The following JCHAIN variants were observed in gnomAD, a reference collection of about 807,000 sequenced individuals.
JCHAIN encodes immunoglobulin J chain.
JCHAIN carries 5 observed loss-of-function variants against 11.1 expected under a neutral mutation model. The ratio of observed to expected loss-of-function variants is 0.45; its 90% CI spans 0.24 to 0.95. JCHAIN has a LOEUF of 0.95. Ranked by LOEUF, JCHAIN falls within the 40% of genes least tolerant of loss-of-function variation. The pLI is 0.21. For missense variants in JCHAIN, 165 were observed against 192.7 expected (o/e 0.86, Z 0.85); for synonymous variants, 51 against 67.8 (o/e 0.75, Z 1.22).
chr4:70,659,816 A>C (rs1739021834), intron 2 of JCHAIN, among the ~76,000 whole-genome samples: 1 of 151,978 alleles, frequency 6.6e-6, no homozygotes, highest in Non-Finnish European at 1.5e-5. Flanking sequence ...GCAGTAAGCC[A>C]AGATCGCACC....
chr4:70,662,777 A>G (rs1371652286), intron 1 of JCHAIN, among the ~76,000 whole-genome samples: 1 of 151,996 alleles, frequency 6.6e-6, no homozygotes, highest in Non-Finnish European at 1.5e-5. Flanking sequence ...TGGCCAACAT[A>G]GTGAAACCCC....
intron 1 of JCHAIN, among the ~76,000 whole-genome samples, chr4:70,665,452 C>T (rs1481192557): frequency 6.6e-6 from 1 of 152,046 alleles, no homozygotes; most frequent in Non-Finnish European, 1.5e-5. Flanking sequence ...TACCATGGTT[C>T]TACTTATGAT....
rs554652827 is a variant in JCHAIN at position 70,656,419 on chromosome 4, C to A, written c.390G>T (p.Lys130Asn). ...TETCYTYDRN[K>N]CYTAVVPLVY... ...CGAGTGGGACCACAGCTGTGTAGCA[C>A]TTGTTTCTGTCATAAGTGTAGCAGG... Residue 130 changes from lysine to asparagine, a missense_variant, in exon 4 of 4, where the codon AAG (lysine) becomes AAT (asparagine). Coordinates refer to ENST00000254801, the MANE Select transcript of JCHAIN (RefSeq NM_144646.4). 5 of 1,614,030 alleles carry A rather than the reference C, an allele frequency of 3.1e-6. No individual in the cohort carries two copies. The highest frequency in any genetic ancestry group is 4.2e-6 in the Non-Finnish European group (5 of 1,179,920).
At position 70,656,303 on chromosome 4, in the gene JCHAIN, A is replaced by G; in HGVS notation, c.*26T>C. 1 of 1,479,214 alleles carries G rather than the reference A, an allele frequency of 6.8e-7. No individual in the cohort carries two copies. Among genetic ancestry groups the G allele is most frequent in the Non-Finnish European group, 9.4e-7 (1 of 1,059,120 alleles). The allele number at this position is 1,479,214 out of a possible 1,614,324, so 91.6% of individuals were successfully genotyped here. A position where few individuals can be genotyped will look rare whatever the true frequency, so the allele number is the denominator to read the frequency against. ...AAATGGAGAGCCTCTCAAGAAAAAG[A>G]GCTATGCAGTCAGCAATGACTTAAA... is the stretch of plus-strand genomic sequence containing the variant. On this transcript the variant is annotated 3_prime_UTR_variant, in exon 4 of 4. Transcript: ENST00000254801.
chr4:70,657,948 C>A (rs1436676091), intron 2 of JCHAIN, among the ~76,000 whole-genome samples: 1 of 152,138 alleles, frequency 6.6e-6, no homozygotes, highest in Non-Finnish European at 1.5e-5. Flanking sequence ...TGATTGTCAA[C>A]GAGTTCAGGT....
intron 1 of JCHAIN, among the ~76,000 whole-genome samples, chr4:70,662,431 A>G (rs1318419411): frequency 4.6e-5 from 7 of 152,152 alleles, no homozygotes; most frequent in South Asian, 2.1e-4. Context: ...GAACCAGTCT[A>G]TGGGAATCTG....
Position 70,656,501 on chromosome 4 carries a change from T to C in JCHAIN, c.308A>G (p.Asn103Ser), listed in dbSNP as rs377331102. The stretch of plus-strand genomic sequence containing the variant: ...GCTCTGGGTAGCAGTAACTATCTGA[T>C]TATCCAGCTCCACTTCTGTAGGATC... ...KCDPTEVELDNQIVTATQSNI... is the reference protein window; with the variant it reads ...KCDPTEVELDSQIVTATQSNI... The change falls in exon 4 of 4, where the codon AAT becomes AGT. Residue 103 changes from asparagine to serine, a missense_variant. Physicochemically the swap from Asn to Ser is conservative, Grantham distance 46 (BLOSUM62 1). Coordinates refer to ENST00000254801, the MANE Select transcript of JCHAIN (RefSeq NM_144646.4). 6.2e-7 allele frequency: 1 copy of C among 1,613,676 alleles called. No individual in the cohort carries two copies. Among genetic ancestry groups the C allele is most frequent in the Non-Finnish European group, 8.5e-7 (1 of 1,179,848 alleles).
chr4:70,664,434 G>A (rs1379308011), intron 1 of JCHAIN, among the ~76,000 whole-genome samples: 2 of 152,058 alleles, frequency 1.3e-5, no homozygotes, highest in Admixed American at 1.3e-4. Flanking sequence ...GATTCCCAGA[G>A]CAAAGAGGAC....
At position 70,656,543 on chromosome 4, in the gene JCHAIN, A is replaced by G; in HGVS notation, c.270-4T>C. 6.2e-7 allele frequency: 1 copy of G among 1,603,752 alleles called. No homozygotes were observed. Among genetic ancestry groups the G allele is most frequent in the Admixed American group, 1.7e-5 (1 of 59,988 alleles). On this transcript the variant is annotated splice_polypyrimidine_tract_variant and splice_region_variant and intron_variant, in intron 3 of 3. Transcript: ENST00000254801. Reference sequence around the variant, plus strand: ...TGTAGGATCACATTTTTTACAGCTGAAAAGCAAATATATGTATTAGACAAT... The same window carrying G: ...TGTAGGATCACATTTTTTACAGCTGGAAAGCAAATATATGTATTAGACAAT...
chr4:70,660,576 G>T (rs1293096727), intron 2 of JCHAIN, among the ~76,000 whole-genome samples: 1 of 151,974 alleles, frequency 6.6e-6, no homozygotes, highest in African/African-American at 2.4e-5. Context: ...TAGAGACGGG[G>T]TTTCACCATG....
At chr4:70,660,673 C>T (rs1006033562) in intron 2 of JCHAIN, among the ~76,000 whole-genome samples, 25 of 152,184 alleles carry the variant, frequency 1.6e-4, no homozygotes, top group Admixed American at 1.3e-3. Flanking sequence ...CATGAGCCAC[C>T]GTGCCCAGCC....
intron 2 of JCHAIN, 80 bp downstream of exon 2, chr4:70,662,012 T>G (rs1577979500): frequency 3.0e-6 from 4 of 1,330,966 alleles, no homozygotes; most frequent in African/African-American, 1.4e-5. Context: ...AAGAGGCAGG[T>G]GTTACATTCA....
intron 2 of JCHAIN, among the ~76,000 whole-genome samples, chr4:70,661,522 G>T (rs1181748475): frequency 2.0e-5 from 3 of 152,216 alleles, no homozygotes; most frequent in Admixed American, 2.0e-4. Context: ...AGGCGTGGTG[G>T]TTCAGGCCTG....
At chr4:70,658,350 C>A (rs960681293) in intron 2 of JCHAIN, among the ~76,000 whole-genome samples, 1 of 152,124 alleles carries the variant, frequency 6.6e-6, no homozygotes, top group Non-Finnish European at 1.5e-5. Flanking sequence ...CTGCTTAAAA[C>A]CTCTAGTGTC....
chr4:70,656,288 C>A lies in JCHAIN; in HGVS notation c.*41G>T. ...TAACTTTCTGAATCAAAATGGAGAG[C>A]CTCTCAAGAAAAAGAGCTATGCAGT... On this transcript the variant is annotated 3_prime_UTR_variant, in exon 4 of 4. Coordinates refer to ENST00000254801, the MANE Select transcript of JCHAIN (RefSeq NM_144646.4). 1.5e-6 allele frequency: 2 copies of A among 1,311,972 alleles called. No homozygotes were observed. Among genetic ancestry groups the A allele is most frequent in the Non-Finnish European group, 2.2e-6 (2 of 913,164 alleles). 81.3% of individuals were successfully genotyped at this position (1,311,972 alleles called of 1,614,324 possible). A position where few individuals can be genotyped will look rare whatever the true frequency, so the allele number is the denominator to read the frequency against.
chr4:70,656,804 T>A (rs1253897081), intron 3 of JCHAIN, among the ~76,000 whole-genome samples: 1 of 152,226 alleles, frequency 6.6e-6, no homozygotes, highest in African/African-American at 2.4e-5. Flanking sequence ...TTCTACTGTG[T>A]TAGGCTTATT....
At chr4:70,656,872 T>A (rs1738960030) in intron 3 of JCHAIN, among the ~76,000 whole-genome samples, 2 of 152,152 alleles carry the variant, frequency 1.3e-5, no homozygotes, top group South Asian at 2.1e-4. Context: ...GGAGAATTTT[T>A]AAAAAAATTG....
intron 1 of JCHAIN, chr4:70,663,495 A>G (rs1238360918): frequency 4.0e-5 from 6 of 151,492 alleles, no homozygotes; most frequent in Admixed American, 3.9e-4. Flanking sequence ...CCTGACCTTG[A>G]TAAGTATTGC....
chr4:70,657,738 A>G (rs1291721450), intron 2 of JCHAIN, among the ~76,000 whole-genome samples: 1 of 152,120 alleles, frequency 6.6e-6, no homozygotes, highest in African/African-American at 2.4e-5. Context: ...AAAAACATTT[A>G]TGTATTCCCA....
Sources: gnomAD v4.1 joint callset for allele counts (sites outside exome capture counted in the v4.1 genomes callset) on GRCh38, gnomAD v4.1.1 for gene constraint, MANE v1.5 for transcripts, NCBI Gene and HGNC (gene_info 2026-07-23, HGNC 2026-07-21) for gene names.